Variants in TMED5 observed in about 807,000 individuals in gnomAD.
The protein encoded by TMED5 is transmembrane p24 trafficking protein 5.
Under a neutral mutation model 23.0 loss-of-function variants are expected in TMED5, and 27 were observed. The ratio of observed to expected loss-of-function variants is 1.17; its 90% CI spans 0.86 to 1.62. The LOEUF (loss-of-function observed/expected upper bound fraction) is 1.62, where lower values mean the gene tolerates loss of function less well. TMED5 is among the 40% of genes most tolerant of loss of function. The pLI, the probability that TMED5 is intolerant of heterozygous loss-of-function variation, is 0.00. For missense variants in TMED5, 248 were observed against 273.7 expected (o/e 0.91, Z 0.66); for synonymous variants, 97 against 100.8 (o/e 0.96, Z 0.23).
Position 93,156,366 on chromosome 1 carries a change from T to C in TMED5, c.405A>G (p.Glu135=), listed in dbSNP as rs751808695. The change falls in exon 3 of 4, where the codon GAA becomes GAG. Residue 135 remains glutamate, a synonymous_variant. Coordinates refer to ENST00000370282, the MANE Select transcript of TMED5 (RefSeq NM_016040.5). ...TAATATATTTCTTCCAATCTTCTTG[T>C]TCTTGTGCCTGTTCTCCCATATTAT... ...ILDNMGEQAQ[E]QEDWKKYITG... 23 of 1,613,866 alleles carry C rather than the reference T, an allele frequency of 1.4e-5. No individual in the cohort carries two copies. The Admixed American group carries it at 2.5e-4, about 18-fold the overall frequency.
intron 1 of TMED5, among the ~76,000 whole-genome samples, chr1:93,177,218 G>A (rs1346860251): frequency 1.3e-5 from 2 of 152,080 alleles, no homozygotes; most frequent in African/African-American, 4.8e-5. Context: ...ACACTGTCTA[G>A]GATTACAGAC....
At chr1:93,157,714 T>C (rs1462411356) in intron 2 of TMED5, among the ~76,000 whole-genome samples, 1 of 151,968 alleles carries the variant, frequency 6.6e-6, no homozygotes, top group Non-Finnish European at 1.5e-5. Context: ...AAAAAGAAAT[T>C]ACATTTAAAA....
chr1:93,162,643 CA>C (rs1425424887), intron 1 of TMED5: 6 of 151,964 alleles, frequency 3.9e-5, no homozygotes, highest in African/African-American at 1.4e-4. Context: ...ATTCCTGTTT[CA>C]AAAGATGAAA....
intron 1 of TMED5, 107 bp downstream of exon 1, chr1:93,179,947 C>T: frequency 1.6e-6 from 2 of 1,259,564 alleles, no homozygotes; most frequent in Admixed American, 5.2e-5. Flanking sequence ...ACGGCCCTCG[C>T]CTCTTCACCA....
Position 93,153,895 on chromosome 1 carries a change from C to T in TMED5, c.*775G>A, listed in dbSNP as rs1466036785. ...CCTCACATTTAATTTTAAAATCCTA[C>T]ACTTTAGTTAAGGGTTAGAGAAAAT... On this transcript the variant is annotated 3_prime_UTR_variant, in exon 4 of 4. Transcript: ENST00000370282. The T allele has an allele frequency of 1.3e-5, 2 of 152,292 alleles. No individual in the cohort carries two copies. The highest frequency in any genetic ancestry group is 2.9e-5 in the Non-Finnish European group (2 of 67,984). The allele number at this position is 152,292 out of a possible 1,614,324, so 9.4% of individuals were successfully genotyped here.
chr1:93,157,544 G>GGCTAATTT (rs1255987912), intron 2 of TMED5, among the ~76,000 whole-genome samples: 10 of 152,050 alleles, frequency 6.6e-5, no homozygotes, highest in African/African-American at 2.4e-4. Flanking sequence ...CTGGGCAAAA[G>GGCTAATTT]TGAGACCTTG....
At position 93,152,865 on chromosome 1, in the gene TMED5, T is replaced by C. The variant is rs1017891006; in HGVS notation, c.*1805A>G. 1 of 152,562 alleles carries C rather than the reference T, an allele frequency of 6.6e-6. No individual in the cohort carries two copies. The highest frequency in any genetic ancestry group is 1.5e-5 in the Non-Finnish European group (1 of 68,006). 9.5% of individuals were successfully genotyped at this position (152,562 alleles called of 1,614,324 possible). A position where few individuals can be genotyped will look rare whatever the true frequency, so the allele number is the denominator to read the frequency against. ...TTTGTTCTGCAAGTGTTGCAGAGGATACCCCTAGACACCTGAAGCATTTTC... is the reference window on the plus strand; with the variant it reads ...TTTGTTCTGCAAGTGTTGCAGAGGACACCCCTAGACACCTGAAGCATTTTC... On this transcript the variant is annotated 3_prime_UTR_variant, in exon 4 of 4. Coordinates refer to ENST00000370282, the MANE Select transcript of TMED5 (RefSeq NM_016040.5).
chr1:93,165,558 A>T (rs1480520718), intron 1 of TMED5, among the ~76,000 whole-genome samples: 3 of 152,208 alleles, frequency 2.0e-5, no homozygotes, highest in Admixed American at 6.5e-5. Context: ...AAATTTTTTT[A>T]AAATTTTAAT....
intron 1 of TMED5, among the ~76,000 whole-genome samples, chr1:93,172,930 A>C (rs1300395061): frequency 6.6e-6 from 1 of 152,232 alleles, no homozygotes; most frequent in East Asian, 1.9e-4. Flanking sequence ...ACACTAAGTG[A>C]AATAAGCCAG....
intron 1 of TMED5, among the ~76,000 whole-genome samples, chr1:93,167,974 T>C (rs1648568379): frequency 6.6e-6 from 1 of 152,230 alleles, no homozygotes; most frequent in Non-Finnish European, 1.5e-5. Flanking sequence ...AGATGTTGAA[T>C]TTTATCAAAT....
intron 1 of TMED5, among the ~76,000 whole-genome samples, chr1:93,176,988 T>C (rs1648935416): frequency 6.6e-6 from 1 of 152,198 alleles, no homozygotes; most frequent in East Asian, 1.9e-4. Context: ...CAATATAATG[T>C]GAGGCTAGTC....
Position 93,156,324 on chromosome 1 carries a change from C to A in TMED5, c.447G>T (p.Leu149Phe). ...WKKYITGTDI[L>F]DMKLEDILES... ...CCAGGATGTCTTCCAGTTTCATATC[C>A]AATATATCTGTGCCAGTAATATATT... The change falls in exon 3 of 4, where the codon TTG becomes TTT. Residue 149 changes from leucine (L) to phenylalanine (F), a missense_variant. Transcript: ENST00000370282. 1 of 1,613,612 alleles carries A rather than the reference C, an allele frequency of 6.2e-7. No homozygotes were observed. The highest frequency in any genetic ancestry group is 8.5e-7 in the Non-Finnish European group (1 of 1,179,730).
chr1:93,165,379 GTAA>G (rs1367417511), intron 1 of TMED5, among the ~76,000 whole-genome samples: 1 of 152,088 alleles, frequency 6.6e-6, no homozygotes, highest in Admixed American at 6.5e-5. Flanking sequence ...ATTGTTCAAA[GTAA>G]TAATAGCAAC....
chr1:93,180,368 C>CGCGGCG lies in TMED5; in HGVS notation c.-132_-127dup. 1 of 1,315,898 alleles carries CGCGGCG rather than the reference C, an allele frequency of 7.6e-7. No individual in the cohort carries two copies. Among genetic ancestry groups the CGCGGCG allele is most frequent in the Non-Finnish European group, 1.0e-6 (1 of 970,324 alleles). The allele number at this position is 1,315,898 out of a possible 1,614,324, so 81.5% of individuals were successfully genotyped here. ...GTCTGAAGAAACTCCAGGTGGCGGCCGCGGCGGCGGCGAACACTCCCTCCG... is the reference window on the plus strand; with the variant it reads ...GTCTGAAGAAACTCCAGGTGGCGGCCGCGGCGGCGGCGGCGGCGAACACTCCCTCCG... On this transcript the variant is annotated 5_prime_UTR_variant, in exon 1 of 4. Coordinates refer to ENST00000370282, the MANE Select transcript of TMED5 (RefSeq NM_016040.5).
intron 1 of TMED5, chr1:93,161,773 A>G (rs765382819): frequency 1.3e-5 from 2 of 152,226 alleles, no homozygotes; most frequent in Non-Finnish European, 2.9e-5. Flanking sequence ...ACTTGTAGGT[A>G]CCTTTATGGA....
At chr1:93,173,515 T>G (rs775768397) in intron 1 of TMED5, among the ~76,000 whole-genome samples, 2 of 151,994 alleles carry the variant, frequency 1.3e-5, no homozygotes, top group East Asian at 3.9e-4. Flanking sequence ...CAAGAGAAAA[T>G]AGAGATGAAC....
chr1:93,179,803 C>A, intron 1 of TMED5: 4 of 486,084 alleles, frequency 8.2e-6, no homozygotes, highest in African/African-American at 2.0e-5. Flanking sequence ...CAGTTCTGGC[C>A]TCCTTCCCAC....
intron 1 of TMED5, among the ~76,000 whole-genome samples, chr1:93,168,172 T>A (rs2101150198): frequency 6.6e-6 from 1 of 152,032 alleles, no homozygotes; most frequent in Admixed American, 6.5e-5. Flanking sequence ...AGAGAGAAAG[T>A]AGAATTATAT....
chr1:93,155,280 T>TTTAAG (rs1470896822), intron 3 of TMED5, among the ~76,000 whole-genome samples: 1 of 152,210 alleles, frequency 6.6e-6, no homozygotes, highest in Non-Finnish European at 1.5e-5. Context: ...CAAACACAAT[T>TTTAAG]TTAAGTTAGA....
Sources: gnomAD v4.1 joint callset for allele counts (sites outside exome capture counted in the v4.1 genomes callset) on GRCh38, gnomAD v4.1.1 for gene constraint, MANE v1.5 for transcripts, NCBI Gene and HGNC (gene_info 2026-07-23, HGNC 2026-07-21) for gene names.